Variants in LRP1B observed in about 807,000 individuals in gnomAD.
LRP1B encodes the protein low-density lipoprotein receptor-related protein 1B.
LRP1B carries 217 observed loss-of-function variants against 556.6 expected under a neutral mutation model. The ratio of observed to expected loss-of-function variants is 0.39; its 90% CI spans 0.35 to 0.44. The LOEUF (loss-of-function observed/expected upper bound fraction) is 0.44. Among genes scored for constraint, LRP1B ranks in the 20% least tolerant of loss-of-function variants. The probability of loss-of-function intolerance (pLI) is 1.00; values close to 1 mark genes in which losing one functional copy is unlikely to be tolerated. For synonymous variants in LRP1B, 2,047 were observed against 1,865.8 expected (o/e 1.10, Z -2.50); for missense variants, 5,053 against 5,620.8 (o/e 0.90, Z 3.23).
intron 2 of LRP1B, among the ~76,000 whole-genome samples, chr2:141,519,360 G>GATATATATATATATATAT (rs60473210): frequency 3.8e-4 from 26 of 68,302 alleles, no homozygotes; most frequent in Admixed American, 5.5e-4. Flanking sequence ...TTAAGTCAAT[G>GATATATATATATATATAT]ATATATATAT....
intron 3 of LRP1B, chr2:141,286,802 A>C (rs1288893719): frequency 5.1e-6 from 2 of 390,330 alleles, no homozygotes; most frequent in East Asian, 1.6e-4. Flanking sequence ...CTTGTTTACA[A>C]CACTCTCCTA....
intron 32 of LRP1B, among the ~76,000 whole-genome samples, chr2:140,791,668 C>G (rs771773756): frequency 5.9e-5 from 9 of 151,998 alleles, no homozygotes; most frequent in Admixed American, 1.3e-4. Flanking sequence ...CCAAAGGGGC[C>G]AGAAGGAGCC....
intron 41 of LRP1B, among the ~76,000 whole-genome samples, chr2:140,626,716 AAG>A (rs1683675362): frequency 2.2e-5 from 3 of 135,452 alleles, no homozygotes; most frequent in African/African-American, 8.2e-5. Context: ...AAAAAAAAAA[AAG>A]AGTAAATAAG....
intron 1 of LRP1B, among the ~76,000 whole-genome samples, chr2:141,961,518 G>C (rs183952947): frequency 2.0e-5 from 3 of 151,676 alleles, no homozygotes; most frequent in Admixed American, 6.6e-5. Context: ...ATTGATCTGG[G>C]TCAATAGCTC....
intron 35 of LRP1B, among the ~76,000 whole-genome samples, chr2:140,760,588 G>A (rs978788526): frequency 3.9e-5 from 6 of 152,150 alleles, no homozygotes; most frequent in African/African-American, 1.4e-4. Context: ...TGTTGTTGCT[G>A]TGAAACACCC....
At chr2:140,333,715 A>T (rs1323678271) in intron 79 of LRP1B, among the ~76,000 whole-genome samples, 1 of 152,080 alleles carries the variant, frequency 6.6e-6, no homozygotes, top group Non-Finnish European at 1.5e-5. Context: ...GGTAGGTGGC[A>T]CAGAGCCCTT....
chr2:140,954,463 T>C (rs2105306680), intron 18 of LRP1B, among the ~76,000 whole-genome samples: 1 of 152,206 alleles, frequency 6.6e-6, no homozygotes, highest in East Asian at 1.9e-4. Context: ...AGGAGCATAT[T>C]AATCAATATT....
At chr2:141,034,215 T>C (rs1306711573) in intron 11 of LRP1B, among the ~76,000 whole-genome samples, 2 of 152,174 alleles carry the variant, frequency 1.3e-5, no homozygotes, top group Non-Finnish European at 2.9e-5. Context: ...TCAATCTGTA[T>C]TCCAATTAGG....
chr2:140,529,216 G>A (rs893157870), intron 47 of LRP1B, among the ~76,000 whole-genome samples: 1 of 152,118 alleles, frequency 6.6e-6, no homozygotes, highest in African/African-American at 2.4e-5. Flanking sequence ...AAAAGTAGCA[G>A]CAAGAGAGAA....
intron 1 of LRP1B, among the ~76,000 whole-genome samples, chr2:141,957,945 T>C (rs1263546823): frequency 6.6e-6 from 1 of 152,066 alleles, no homozygotes; most frequent in Non-Finnish European, 1.5e-5. Flanking sequence ...GATAATGCTC[T>C]CTTATGTCCT....
At chr2:140,563,510 C>A (rs1289766774) in intron 43 of LRP1B, among the ~76,000 whole-genome samples, 1 of 152,100 alleles carries the variant, frequency 6.6e-6, no homozygotes, top group East Asian at 1.9e-4. Context: ...CTCAGCCTTA[C>A]GAAGCAGATT....
chr2:140,864,541 T>G (rs1193589461), intron 27 of LRP1B, among the ~76,000 whole-genome samples: 1 of 152,068 alleles, frequency 6.6e-6, no homozygotes, highest in Non-Finnish European at 1.5e-5. Flanking sequence ...TACAAAGTCA[T>G]AATCACAAAA....
At chr2:140,370,898 G>A (rs1682965931) in intron 70 of LRP1B, 56 bp from the exon 71 acceptor site, 1 of 1,575,498 alleles carries the variant, frequency 6.3e-7, no homozygotes, top group Non-Finnish European at 8.7e-7. Flanking sequence ...ATACAATCAT[G>A]GGCAAAATAA....
chr2:140,267,546 T>A (rs1034650501), intron 86 of LRP1B, among the ~76,000 whole-genome samples: 4 of 151,958 alleles, frequency 2.6e-5, no homozygotes, highest in Admixed American at 6.6e-5. Flanking sequence ...AATAACGACT[T>A]GGGAAAAGTC....
At chr2:140,698,335 C>T (rs1263155923) in intron 41 of LRP1B, among the ~76,000 whole-genome samples, 1 of 151,982 alleles carries the variant, frequency 6.6e-6, no homozygotes, top group Non-Finnish European at 1.5e-5. Flanking sequence ...ATGTCTATAT[C>T]TATTTACCAT....
chr2:140,421,902 C>A (rs191003767), intron 66 of LRP1B, among the ~76,000 whole-genome samples: 1 of 152,294 alleles, frequency 6.6e-6, no homozygotes, highest in East Asian at 1.9e-4. Flanking sequence ...TGCCACATCA[C>A]CCTTTCCATC....
chr2:141,718,205 T>G (rs2105492059), intron 2 of LRP1B, among the ~76,000 whole-genome samples: 1 of 152,318 alleles, frequency 6.6e-6, no homozygotes, highest in Admixed American at 6.5e-5. Flanking sequence ...GACAGCAAAC[T>G]TATAAACTGT....
rs1185143411 is a variant in LRP1B at position 140,390,131 on chromosome 2, AAAAC to A, written c.10415-4126_10415-4123del. Among the ~76,000 whole-genome samples, 11 of 152,256 alleles carry A rather than the reference AAAAC, an allele frequency of 7.2e-5. No individual in the cohort carries two copies. In the East Asian group the frequency reaches 1.5e-3, roughly 21 times the overall value. The stretch of plus-strand genomic sequence containing the variant: ...GTGACAAGAGTGAGACTCTATGTAA[AAAAC>A]AAACAAACAGAAAAAAAAATGGAAA... On this transcript the variant is annotated intron_variant, in intron 66 of 90. Transcript: ENST00000389484.
chr2:141,837,976 CAG>C (rs1225767178), intron 1 of LRP1B, among the ~76,000 whole-genome samples: 5 of 152,062 alleles, frequency 3.3e-5, no homozygotes, highest in Non-Finnish European at 5.9e-5. Flanking sequence ...AAAACTAGAA[CAG>C]AGAGTATACA....
Sources: gnomAD v4.1 joint callset for allele counts (sites outside exome capture counted in the v4.1 genomes callset) on GRCh38, gnomAD v4.1.1 for gene constraint, MANE v1.5 for transcripts, NCBI Gene and HGNC (gene_info 2026-07-23, HGNC 2026-07-21) for gene names.